ATXN1L: variants seen among roughly 807,000 people sequenced by gnomAD.
ATXN1L encodes the protein ataxin-1-like.
A neutral mutation model predicts 43.4 loss-of-function variants in ATXN1L; 8 were observed. The ratio of observed to expected loss-of-function variants is 0.18; its 90% confidence interval spans 0.11 to 0.33. ATXN1L has a LOEUF of 0.33. Among genes scored for constraint, ATXN1L ranks in the 10% least tolerant of loss-of-function variants. The pLI is 1.00. For synonymous variants in ATXN1L, 379 were observed against 360.6 expected, an observed-to-expected ratio of 1.05 and a Z score of -0.58; for missense variants, 856 against 885.4, an observed-to-expected ratio of 0.97 and a Z score of 0.42.
intron 1 of ATXN1L, 27 bp from the exon 2 acceptor site, chr16:71,847,983 T>A (rs1388365820): frequency 2.2e-6 from 1 of 455,374 alleles, no homozygotes; most frequent in Non-Finnish European, 4.4e-6. Flanking sequence ...GGCAGCCGCT[T>A]ACTCCATTCC....
chr16:71,851,285 G>A lies in ATXN1L; in HGVS notation c.1545G>A (p.Glu515=). ...IDSSTVVDIQ[E]SQWPGFVMLH... is the part of the protein sequence containing the mutation. ...CTAGCACGGTCGTGGACATTCAGGA[G>A]AGCCAATGGCCTGGATTTGTCATGC... Residue 515 remains glutamate, a synonymous_variant, in exon 3 of 3, where the codon GAG becomes GAA. Coordinates refer to ENST00000427980, the MANE Select transcript of ATXN1L (RefSeq NM_001137675.4). This position sits in a 1 kb window ranked among gnomAD's most constrained non-coding sequence, Gnocchi z 4.9. 1.3e-6 allele frequency: 2 copies of A among 1,551,668 alleles called. No individual in the cohort carries two copies. The highest frequency in any genetic ancestry group is 1.7e-6 in the Non-Finnish European group (2 of 1,146,994).
At position 71,850,398 on chromosome 16, in the gene ATXN1L, C is replaced by T. The variant is rs1004676194; in HGVS notation, c.658C>T (p.Leu220=). 2.6e-6 allele frequency: 4 copies of T among 1,551,728 alleles called. No individual in the cohort carries two copies. In the Admixed American group the frequency reaches 7.8e-5, roughly 30 times the overall value. ...QLPHHSSTQP[L]DLAPGRMPIY... is the part of the protein sequence containing the mutation. ...GCCACATCATTCAAGTACTCAGCCG[C>T]TGGACCTTGCTCCAGGTCGGATGCC... is the stretch of plus-strand genomic sequence containing the variant. The change falls in exon 3 of 3, where the codon CTG becomes TTG. Residue 220 remains leucine (L), a synonymous_variant. Coordinates refer to ENST00000427980, the MANE Select transcript of ATXN1L (RefSeq NM_001137675.4).
At chr16:71,848,906 GA>G (rs1390496739) in intron 2 of ATXN1L, among the ~76,000 whole-genome samples, 1 of 152,044 alleles carries the variant, frequency 6.6e-6, no homozygotes, top group Admixed American at 6.6e-5. Context: ...AGCAAAAGGA[GA>G]AACTTAAGAA....
Position 71,850,598 on chromosome 16 carries a change from C to T in ATXN1L, c.858C>T (p.Ala286=), listed in dbSNP as rs370296528. 911 of 1,551,686 alleles carry T rather than the reference C, an allele frequency of 5.9e-4. 5 individuals are homozygous for T. The African/African-American group carries it at 0.011, about 19-fold the overall frequency. The part of the protein sequence containing the change: ...ERNLVRRESE[A]LDSPNSKGEG... ...ATTTAGTAAGACGGGAAAGTGAAGC[C>T]CTTGACTCCCCCAACAGCAAGGGTG... The change falls in exon 3 of 3, where the codon GCC becomes GCT. Residue 286 remains alanine (A), a synonymous_variant. Transcript: ENST00000427980.
chr16:71,851,528 TCCC>T lies in ATXN1L; in HGVS notation c.1791_1793del (p.Pro598del). Reference sequence around the variant, plus strand: ...ACTCAGTTTCTCAGGCCAGCTGTGCTCCCCCAAGCCAGCTGGGTCCCCCCCGAG... The same window carrying T: ...ACTCAGTTTCTCAGGCCAGCTGTGCTCCAAGCCAGCTGGGTCCCCCCCGAG... On this transcript the variant is annotated inframe_deletion, in exon 3 of 3. Transcript: ENST00000427980. The surrounding 1 kb of genome is among the most constrained non-coding windows in gnomAD (Gnocchi z 4.9). The T allele has an allele frequency of 1.3e-6, 2 of 1,551,132 alleles. No homozygotes were observed. The highest frequency in any genetic ancestry group is 1.7e-6 in the Non-Finnish European group (2 of 1,146,840).
rs1424246537 is a variant in ATXN1L, at chr16:71,850,251, C to T, written c.511C>T (p.Leu171Phe). 1.2e-5 allele frequency: 19 copies of T among 1,551,562 alleles called. No individual in the cohort carries two copies. Among genetic ancestry groups the T allele is most frequent in the East Asian group, 2.4e-5 (1 of 40,922 alleles). Residue 171 changes from leucine (L) to phenylalanine (F), a missense_variant, in exon 3 of 3, where the codon CTT becomes TTT. Physicochemically the swap from Leu to Phe is conservative, Grantham distance 22. Around this residue, in one of 7 missense-constraint regions of ATXN1L, gnomAD observed 490 missense variants for 449.4 expected, o/e 1.09. Coordinates refer to ENST00000427980, the MANE Select transcript of ATXN1L (RefSeq NM_001137675.4). Reference sequence around the variant, plus strand: ...TTCTGCCAACCTTGCCACCTCTCACCTTCCACACTTTGTGCCATATGCCTC... The same window carrying T: ...TTCTGCCAACCTTGCCACCTCTCACTTTCCACACTTTGTGCCATATGCCTC... The part of the protein sequence containing the change: ...SPSANLATSH[L>F]PHFVPYASLL...
rs550606040 is a variant in ATXN1L, at chr16:71,851,451, C to T, written c.1711C>T (p.Leu571=). The change falls in exon 3 of 3, where the codon CTA becomes TTA. Residue 571 remains leucine, a synonymous_variant. Coordinates refer to ENST00000427980, the MANE Select transcript of ATXN1L (RefSeq NM_001137675.4). This position sits in a 1 kb window ranked among gnomAD's most constrained non-coding sequence, Gnocchi z 4.9. ...TQLFSLPCHR[L]QVGDVCISIS... The stretch of plus-strand genomic sequence containing the variant: ...ACTCTTCTCTCTGCCCTGCCATCGG[C>T]TACAGGTGGGAGATGTCTGCATCTC... The T allele has an allele frequency of 1.3e-6, 2 of 1,551,606 alleles. No individual in the cohort carries two copies. The highest frequency in any genetic ancestry group is 2.4e-5 in the South Asian group (2 of 84,056).
At chr16:71,846,575 C>G (rs2033446092) in intron 1 of ATXN1L, among the ~76,000 whole-genome samples, 1 of 152,240 alleles carries the variant, frequency 6.6e-6, no homozygotes, top group Admixed American at 6.5e-5. Context: ...GGGTCTCCAG[C>G]TGGGTTCAGC....
In ATXN1L at chr16:71,856,240, C is replaced by T. The variant is rs2033549958; in HGVS notation, c.*4430C>T. 1 of 167,134 alleles carries T rather than the reference C, an allele frequency of 6.0e-6. No homozygotes were observed. Among genetic ancestry groups the T allele is most frequent in the Admixed American group, 6.5e-5 (1 of 15,280 alleles). 10.4% of individuals were successfully genotyped at this position (167,134 alleles called of 1,614,324 possible). A position where few individuals can be genotyped will look rare whatever the true frequency, so the allele number is the denominator to read the frequency against. ...TTTCTTTATTAGTTCTCCAGTTAAA[C>T]CTAGATCCCTCCCTGGTAGATTGCG... On this transcript the variant is annotated 3_prime_UTR_variant, in exon 3 of 3. Coordinates refer to ENST00000427980, the MANE Select transcript of ATXN1L (RefSeq NM_001137675.4).
chr16:71,847,749 A>G (rs1011328471), intron 1 of ATXN1L, among the ~76,000 whole-genome samples: 1 of 152,140 alleles, frequency 6.6e-6, no homozygotes, highest in Non-Finnish European at 1.5e-5. Context: ...TGTTAGGGAA[A>G]TGATGTTACG....
intron 2 of ATXN1L, among the ~76,000 whole-genome samples, chr16:71,848,956 C>T (rs1450585673): frequency 2.0e-5 from 3 of 151,504 alleles, no homozygotes; most frequent in East Asian, 2.0e-4. Flanking sequence ...GGCTCACACC[C>T]GTAATCCCAG....
In ATXN1L at chr16:71,850,677, T is replaced by C. The variant is rs7194407; in HGVS notation, c.937T>C (p.Ser313Pro). The C allele has an allele frequency of 1.8e-3, 2,750 of 1,551,700 alleles. 38 individuals are homozygous for C. In the African/African-American group the frequency reaches 0.034, roughly 19 times the overall value. ...VECVVDGQLFSGSQTPRVEVA... is the reference protein window; with the variant it reads ...VECVVDGQLFPGSQTPRVEVA... ...ATGTGTGGTGGATGGACAGTTGTTT[T>C]CAGGTTCTCAGACTCCACGGGTAGA... The change falls in exon 3 of 3, where the codon TCA (serine) becomes CCA (proline). Residue 313 changes from serine (S) to proline (P), a missense_variant. Transcript: ENST00000427980.
In ATXN1L at chr16:71,851,130, C is replaced by G; in HGVS notation, c.1390C>G (p.His464Asp). 6.4e-7 allele frequency: 1 copy of G among 1,551,704 alleles called. No individual in the cohort carries two copies. The highest frequency in any genetic ancestry group is 8.7e-7 in the Non-Finnish European group (1 of 1,146,988). ...AACGCCGCCCCCCATTACCTCCTCT[C>G]ACTTGCCTTCCCATTTCATGAAAGG... ...EPTPPPITSS[H>D]LPSHFMKGAI... Residue 464 changes from histidine to aspartate, a missense_variant, in exon 3 of 3, where the codon CAC (histidine) becomes GAC (aspartate). Physicochemically the swap from His to Asp is moderately conservative, Grantham distance 81. Around this residue, in one of 7 missense-constraint regions of ATXN1L, gnomAD observed 490 missense variants for 449.4 expected, o/e 1.09. Coordinates refer to ENST00000427980, the MANE Select transcript of ATXN1L (RefSeq NM_001137675.4). This position sits in a 1 kb window ranked among gnomAD's most constrained non-coding sequence, Gnocchi z 4.9.
At chr16:71,846,780 A>C (rs1262470962) in intron 1 of ATXN1L, among the ~76,000 whole-genome samples, 3 of 151,728 alleles carry the variant, frequency 2.0e-5, no homozygotes, top group Non-Finnish European at 1.5e-5. Flanking sequence ...AACCTGGCGC[A>C]CAGGCTTGGC....
Position 71,853,853 on chromosome 16 carries a change from C to T in ATXN1L, c.*2043C>T, listed in dbSNP as rs118191970. 2,449 of 167,212 alleles carry T rather than the reference C, an allele frequency of 0.015. 29 individuals are homozygous for T. The highest frequency in any genetic ancestry group is 0.023 in the Non-Finnish European group (1,589 of 68,124). 10.4% of individuals were successfully genotyped at this position (167,212 alleles called of 1,614,324 possible). A position where few individuals can be genotyped will look rare whatever the true frequency, so the allele number is the denominator to read the frequency against. ...GAGGTTGCTGACCTGACCGTGAGTGCTTCAGTATCTGGTTTGTGTCAGAAC... is the reference window on the plus strand; with the variant it reads ...GAGGTTGCTGACCTGACCGTGAGTGTTTCAGTATCTGGTTTGTGTCAGAAC... On this transcript the variant is annotated 3_prime_UTR_variant, in exon 3 of 3. Transcript: ENST00000427980.
Position 71,850,471 on chromosome 16 carries a change from A to G in ATXN1L, c.731A>G (p.Glu244Gly), listed in dbSNP as rs1361499648. Residue 244 changes from glutamate to glycine, a missense_variant, in exon 3 of 3, where the codon GAA becomes GGA. By Grantham distance (98) the Glu-to-Gly change is moderately conservative. Around this residue, in one of 7 missense-constraint regions of ATXN1L, gnomAD observed 490 missense variants for 449.4 expected, o/e 1.09. Coordinates refer to ENST00000427980, the MANE Select transcript of ATXN1L (RefSeq NM_001137675.4). ...SRLPAGYTLHETPPAGASPVL... is the reference protein window; with the variant it reads ...SRLPAGYTLHGTPPAGASPVL... ...CTACCTGCTGGGTATACTTTGCATG[A>G]AACCCCTCCAGCAGGTGCCAGCCCA... 2 of 1,551,710 alleles carry G rather than the reference A, an allele frequency of 1.3e-6. No homozygotes were observed. Among genetic ancestry groups the G allele is most frequent in the Non-Finnish European group, 1.7e-6 (2 of 1,147,002 alleles).
chr16:71,848,047 C>T lies in ATXN1L; in HGVS notation c.-142C>T, dbSNP rs1303963126. The T allele has an allele frequency of 2.2e-6, 1 of 455,910 alleles. No homozygotes were observed. Among genetic ancestry groups the T allele is most frequent in the African/African-American group, 2.0e-5 (1 of 50,074 alleles). The allele number at this position is 455,910 out of a possible 1,614,324, so 28.2% of individuals were successfully genotyped here. A position where few individuals can be genotyped will look rare whatever the true frequency, so the allele number is the denominator to read the frequency against. ...GCCGGGAGGACACTTACTACAGCTG[C>T]TCAGAAGCACCACTGGAAACTCAGG... On this transcript the variant is annotated 5_prime_UTR_variant, in exon 2 of 3. Coordinates refer to ENST00000427980, the MANE Select transcript of ATXN1L (RefSeq NM_001137675.4).
chr16:71,851,996 T>A lies in ATXN1L; in HGVS notation c.*186T>A. The stretch of plus-strand genomic sequence containing the variant: ...TTGTTCATTACCCCATGGCATCCTT[T>A]CAGGACAACCCCAGAGGGTGTTGTG... On this transcript the variant is annotated 3_prime_UTR_variant, in exon 3 of 3. Transcript: ENST00000427980. The surrounding 1 kb of genome is among the most constrained non-coding windows in gnomAD (Gnocchi z 4.9). 1 of 600,838 alleles carries A rather than the reference T, an allele frequency of 1.7e-6. No homozygotes were observed. Among genetic ancestry groups the A allele is most frequent in the Non-Finnish European group, 2.6e-6 (1 of 384,614 alleles). The allele number at this position is 600,838 out of a possible 1,614,324, so 37.2% of individuals were successfully genotyped here.
Position 71,852,010 on chromosome 16 carries a change from G to C in ATXN1L, c.*200G>C. The C allele has an allele frequency of 1.9e-6, 1 of 519,460 alleles. No individual in the cohort carries two copies. Among genetic ancestry groups the C allele is most frequent in the Non-Finnish European group, 3.1e-6 (1 of 319,786 alleles). 32.2% of individuals were successfully genotyped at this position (519,460 alleles called of 1,614,324 possible). A position where few individuals can be genotyped will look rare whatever the true frequency, so the allele number is the denominator to read the frequency against. Reference sequence around the variant, plus strand: ...ATGGCATCCTTTCAGGACAACCCCAGAGGGTGTTGTGATGGGGAGCAGCAG... The same window carrying C: ...ATGGCATCCTTTCAGGACAACCCCACAGGGTGTTGTGATGGGGAGCAGCAG... On this transcript the variant is annotated 3_prime_UTR_variant, in exon 3 of 3. Transcript: ENST00000427980.
Sources: allele counts gnomAD v4.1 joint callset (sites outside exome capture counted in the v4.1 genomes callset), GRCh38; gene constraint gnomAD v4.1.1; regional missense constraint gnomAD v4.1.1; non-coding constraint Gnocchi (gnomAD v3.1); transcripts MANE v1.5; gene names NCBI Gene and HGNC (gene_info 2026-07-23, HGNC 2026-07-21).